The following SLC2A9 variants were observed in gnomAD, a reference collection of about 807,000 sequenced individuals.
SLC2A9 encodes the protein solute carrier family 2 member 9, also known as solute carrier family 2, facilitated glucose transporter member 9.
Under a neutral mutation model 50.6 loss-of-function variants are expected in SLC2A9, and 39 were observed. That is an observed-to-expected ratio of 0.77 (90% CI 0.60 to 1.01). SLC2A9 has a LOEUF of 1.01. Among genes scored for constraint, SLC2A9 ranks in the 50% least tolerant of loss-of-function variants. The pLI is 0.00. For missense variants in SLC2A9, 686 were observed against 677.6 expected, an observed-to-expected ratio of 1.01 and a Z score of -0.14; for synonymous variants, 324 against 276.9, an observed-to-expected ratio of 1.17 and a Z score of -1.69.
At position 9,826,331 on chromosome 4, in the gene SLC2A9, AG is replaced by A; in HGVS notation, c.*65del. On this transcript the variant is annotated 3_prime_UTR_variant, in exon 12 of 12. Coordinates refer to ENST00000264784, the MANE Select transcript of SLC2A9 (RefSeq NM_020041.3). ...TGGGTAAATTTTAAGTTTCCTGAAA[AG>A]TGAGATCATCCATGTAGACAATCCT... is the stretch of plus-strand genomic sequence containing the variant. The A allele has an allele frequency of 2.0e-6, 3 of 1,535,002 alleles. No homozygotes were observed. In the South Asian group the frequency reaches 3.4e-5, roughly 17 times the overall value.
At chr4:9,842,362 C>T (rs2109227937) in intron 10 of SLC2A9, among the ~76,000 whole-genome samples, 1 of 152,310 alleles carries the variant, frequency 6.6e-6, no homozygotes, top group African/African-American at 2.4e-5. Context: ...AGGATTTTGC[C>T]AAGAGAGTGC....
At chr4:9,818,774 T>C (rs1723982417) in intron 3 of SLC2A9, among the ~76,000 whole-genome samples, 1 of 152,190 alleles carries the variant, frequency 6.6e-6, no homozygotes, top group African/African-American at 2.4e-5. Flanking sequence ...TGTTCCTCCA[T>C]CCAGGGATGG....
chr4:10,027,870 G>A (rs1763806106), intron 1 of SLC2A9, among the ~76,000 whole-genome samples: 1 of 152,120 alleles, frequency 6.6e-6, no homozygotes, highest in African/African-American at 2.4e-5. Context: ...TCCTCTTGTA[G>A]GTATTTTGAA....
At chr4:9,920,671 C>G in intron 6 of SLC2A9, 99 bp from the exon 7 acceptor site, 2 of 1,415,928 alleles carry the variant, frequency 1.4e-6, no homozygotes, top group Non-Finnish European at 2.0e-6. Context: ...CCTAGCCACA[C>G]ACCTTAGCTG....
intron 8 of SLC2A9, among the ~76,000 whole-genome samples, chr4:9,892,369 C>T (rs1737655636): frequency 6.6e-6 from 1 of 152,152 alleles, no homozygotes; most frequent in African/African-American, 2.4e-5. Flanking sequence ...TAAAAGCATC[C>T]AAGACTTCTG....
intron 10 of SLC2A9, among the ~76,000 whole-genome samples, chr4:9,846,392 C>T (rs1728998422): frequency 6.6e-6 from 1 of 152,110 alleles, no homozygotes; most frequent in Non-Finnish European, 1.5e-5. Context: ...AGCTTAGACA[C>T]CCACCTGCTC....
intron 10 of SLC2A9, chr4:9,879,796 T>C (rs1015451492): frequency 1.3e-5 from 13 of 985,310 alleles, no homozygotes; most frequent in South Asian, 9.4e-5. Flanking sequence ...TTGGCAACGA[T>C]CTTCTTTTTT....
At chr4:9,843,374 G>A (rs1728410926) in intron 10 of SLC2A9, among the ~76,000 whole-genome samples, 2 of 152,142 alleles carry the variant, frequency 1.3e-5, no homozygotes. Flanking sequence ...ACTAGTTTCA[G>A]GAGTTGGGGT....
chr4:9,959,586 T>C (rs1420040099), intron 5 of SLC2A9, among the ~76,000 whole-genome samples: 1 of 152,108 alleles, frequency 6.6e-6, no homozygotes, highest in Admixed American at 6.5e-5. Context: ...ACAGGGAGCT[T>C]GAGGGGGTGG....
intron 10 of SLC2A9, among the ~76,000 whole-genome samples, chr4:9,845,675 C>A (rs2109264348): frequency 6.6e-6 from 1 of 152,070 alleles, no homozygotes; most frequent in African/African-American, 2.4e-5. Context: ...CGTGATCCGC[C>A]CGCCTCGGCC....
chr4:9,958,418 C>T (rs923311647), intron 5 of SLC2A9, among the ~76,000 whole-genome samples: 1 of 152,136 alleles, frequency 6.6e-6, no homozygotes, highest in Admixed American at 6.5e-5. Context: ...CGCATGTCCT[C>T]AACTCATAAG....
intron 8 of SLC2A9, among the ~76,000 whole-genome samples, chr4:9,905,217 C>T (rs1243070389): frequency 6.6e-6 from 1 of 152,258 alleles, no homozygotes; most frequent in Non-Finnish European, 1.5e-5. Flanking sequence ...TCATCACTTC[C>T]TGCTCAGAGG....
At position 9,789,320 on chromosome 4, in the gene SLC2A9, T is replaced by A. The variant is rs564667798; in HGVS notation, n.386-9255A>T. ...TATGTGCTGTGATGCATGTGGAATG[T>A]GTAAGGGCATTATACAATGAGAATT... On this transcript the variant is annotated intron_variant and non_coding_transcript_variant, in intron 3 of 3. Transcript: ENST00000503803. Among the ~76,000 whole-genome samples, 99 of 152,366 alleles carry A rather than the reference T, an allele frequency of 6.5e-4. 3 individuals are homozygous for A. Among genetic ancestry groups the A allele is most frequent in the African/African-American group, 2.0e-3 (82 of 41,586 alleles).
intron 10 of SLC2A9, among the ~76,000 whole-genome samples, chr4:9,843,902 C>T (rs1728495186): frequency 6.6e-6 from 1 of 152,168 alleles, no homozygotes; most frequent in African/African-American, 2.4e-5. Context: ...GGTGGTTTGC[C>T]CACCAATTTG....
chr4:9,782,509 G>A, intron 3 of SLC2A9: 1 of 1,613,980 alleles, frequency 6.2e-7, no homozygotes, highest in Non-Finnish European at 8.5e-7. Flanking sequence ...CCTTGGTCAT[G>A]GTCGGCCTGG....
chr4:9,827,865 C>T (rs1028363017), intron 11 of SLC2A9, among the ~76,000 whole-genome samples: 7 of 152,182 alleles, frequency 4.6e-5, no homozygotes, highest in Non-Finnish European at 8.8e-5. Context: ...TCCCATTACT[C>T]ACATGTTGTT....
chr4:9,918,437 C>T (rs1441150998), intron 7 of SLC2A9, among the ~76,000 whole-genome samples: 1 of 152,156 alleles, frequency 6.6e-6, no homozygotes, highest in Non-Finnish European at 1.5e-5. Flanking sequence ...GAAGACTTGT[C>T]CCCATGGCTG....
chr4:9,906,824 T>C (rs1740767092), intron 8 of SLC2A9, among the ~76,000 whole-genome samples: 1 of 152,220 alleles, frequency 6.6e-6, no homozygotes, highest in Non-Finnish European at 1.5e-5. Flanking sequence ...GTGCAGTCTA[T>C]AACTTGAGAA....
intron 5 of SLC2A9, among the ~76,000 whole-genome samples, chr4:9,977,737 A>G (rs1755044704): frequency 6.6e-6 from 1 of 152,000 alleles, no homozygotes; most frequent in African/African-American, 2.4e-5. Context: ...GCTGCAGGAA[A>G]ACCACCCCCG....
Sources: allele counts gnomAD v4.1 joint callset (sites outside exome capture counted in the v4.1 genomes callset), GRCh38; gene constraint gnomAD v4.1.1; transcripts MANE v1.5; gene names NCBI Gene and HGNC (gene_info 2026-07-23, HGNC 2026-07-21).